MVP: variants seen among roughly 807,000 people sequenced by gnomAD.
The protein encoded by MVP is major vault protein, also known as lung resistance-related protein.
In MVP, 62 loss-of-function variants were observed where a neutral mutation model predicts 83.5. The observed-to-expected ratio is 0.74, with a 90% CI of 0.61 to 0.92. The LOEUF (loss-of-function observed/expected upper bound fraction) is 0.92. Ranked by LOEUF, MVP falls within the 40% of genes least tolerant of loss-of-function variation. The pLI, the probability that MVP is intolerant of heterozygous loss-of-function variation, is 0.00. For missense variants in MVP, 1,000 were observed against 1,203.4 expected (o/e 0.83, Z 2.50); for synonymous variants, 505 against 504.1 (o/e 1.00, Z -0.02).
chr16:29,847,807 G>A lies in MVP; in HGVS notation c.2500G>A (p.Asp834Asn), dbSNP rs377299570. The A allele has an allele frequency of 1.5e-5, 25 of 1,614,026 alleles. No homozygotes were observed. Among genetic ancestry groups the A allele is most frequent in the Middle Eastern group, 1.6e-4 (1 of 6,084 alleles). ...SLGLKSTLIT[D>N]GSTPINLFNT... The stretch of plus-strand genomic sequence containing the variant: ...GGGCCTGAAATCAACCCTCATCACC[G>A]ATGGCTCCACTCCCATCAACCTCTT... The change falls in exon 15 of 15, where the codon GAT becomes AAT. Residue 834 changes from aspartate to asparagine, a missense_variant. Coordinates refer to ENST00000357402, the MANE Select transcript of MVP (RefSeq NM_005115.5).
At chr16:29,827,203 CTT>C (rs1286111734) in intron 1 of MVP, among the ~76,000 whole-genome samples, 2 of 152,096 alleles carry the variant, frequency 1.3e-5, no homozygotes, top group African/African-American at 2.4e-5. Context: ...GGGAAAGTAA[CTT>C]TGAGCAAAAA....
chr16:29,840,848 G>A (rs568412163), intron 8 of MVP, among the ~76,000 whole-genome samples: 102 of 152,168 alleles, frequency 6.7e-4, no homozygotes, highest in African/African-American at 2.4e-3. Context: ...GCTGAGACAG[G>A]AGAATTGCTT....
At chr16:29,845,049 G>A (rs897649058) in intron 11 of MVP, among the ~76,000 whole-genome samples, 170 bp downstream of exon 11, 2 of 152,058 alleles carry the variant, frequency 1.3e-5, no homozygotes, top group Non-Finnish European at 2.9e-5. Context: ...CAGGCTGGGC[G>A]CGGTGGCTCA....
intron 1 of MVP, among the ~76,000 whole-genome samples, chr16:29,828,907 A>G (rs2067421749): frequency 6.6e-6 from 1 of 152,038 alleles, no homozygotes; most frequent in Admixed American, 6.6e-5. Context: ...AGTTTTACAG[A>G]TCGTGGGGCT....
intron 1 of MVP, chr16:29,821,438 T>A (rs1162687066): frequency 6.6e-6 from 1 of 152,188 alleles, no homozygotes; most frequent in Non-Finnish European, 1.5e-5. Flanking sequence ...GCCTCAGGGC[T>A]CCAAGGTAAC....
intron 5 of MVP, 79 bp from the exon 6 acceptor site, chr16:29,835,623 CCT>C: frequency 3.4e-6 from 4 of 1,161,520 alleles, no homozygotes; most frequent in Non-Finnish European, 5.0e-6. Context: ...CTGTCAATCC[CCT>C]GTGTCTAAGC....
chr16:29,827,809 G>A (rs547276473), intron 1 of MVP, among the ~76,000 whole-genome samples: 4 of 151,642 alleles, frequency 2.6e-5, no homozygotes, highest in South Asian at 2.1e-4. Flanking sequence ...CCAGCTACTC[G>A]GGAGGCTGAG....
At chr16:29,846,004 A>T (rs1229047638) in intron 12 of MVP, 25 bp downstream of exon 12, 1 of 1,613,784 alleles carries the variant, frequency 6.2e-7, no homozygotes, top group South Asian at 1.1e-5. Flanking sequence ...AGAGGAGGAG[A>T]CTGGCAGGGG....
chr16:29,843,603 A>AGGGAGGGAGGGAG (rs2067556201), intron 10 of MVP, among the ~76,000 whole-genome samples: 4 of 40,744 alleles, frequency 9.8e-5, no homozygotes, highest in African/African-American at 1.9e-4. Context: ...GGAGGGAGGG[A>AGGGAGGGAGGGAG]GGGTCAGGCG....
At position 29,837,744 on chromosome 16, in the gene MVP, ACT is replaced by A. The variant is rs1429107715; in HGVS notation, c.909+790_909+791del. Among the ~76,000 whole-genome samples, 4 of 151,434 alleles carry A rather than the reference ACT, an allele frequency of 2.6e-5. No homozygotes were observed. In the East Asian group the frequency reaches 7.8e-4, roughly 30 times the overall value. Reference sequence around the variant, plus strand: ...ACTCTAGCCTGGGCGATAGAGTGAGACTCTCAGAAAAAAAAAAAATCTCCATT... The same window carrying A: ...ACTCTAGCCTGGGCGATAGAGTGAGACTCAGAAAAAAAAAAAATCTCCATT... On this transcript the variant is annotated intron_variant, in intron 7 of 14. Transcript: ENST00000357402.
rs1374324379 is a variant in MVP, at chr16:29,840,603, T to G, written c.1191+144T>G. 3 of 935,102 alleles carry G rather than the reference T, an allele frequency of 3.2e-6. No homozygotes were observed. In the East Asian group the frequency reaches 8.0e-5, roughly 25 times the overall value. 57.9% of individuals were successfully genotyped at this position (935,102 alleles called of 1,614,324 possible). A position where few individuals can be genotyped will look rare whatever the true frequency, so the allele number is the denominator to read the frequency against. On this transcript the variant is annotated intron_variant, in intron 8 of 14. Coordinates refer to ENST00000357402, the MANE Select transcript of MVP (RefSeq NM_005115.5). ...GGGCTGTCTGGTTGGGGGAGGGCAC[T>G]ACGTGGAGTGTTTGCCATCCTTCTG... is the stretch of plus-strand genomic sequence containing the variant.
intron 3 of MVP, chr16:29,833,468 C>CTTTTTTTT: frequency 1.6e-5 from 2 of 128,126 alleles, no homozygotes; most frequent in Admixed American, 1.0e-4. Flanking sequence ...CCTGGCTACA[C>CTTTTTTTT]TTTTTTTTTT....
At chr16:29,833,318 A>G in intron 3 of MVP, 1 of 168,796 alleles carries the variant, frequency 5.9e-6, no homozygotes, top group Non-Finnish European at 1.3e-5. Flanking sequence ...AACTCCTGAG[A>G]CAGGGTCTTG....
At chr16:29,827,133 G>C (rs1439178820) in intron 1 of MVP, among the ~76,000 whole-genome samples, 1 of 152,084 alleles carries the variant, frequency 6.6e-6, no homozygotes, top group African/African-American at 2.4e-5. Flanking sequence ...AAGCCCCTGT[G>C]TTCCCAAACC....
chr16:29,841,942 G>T lies in MVP; in HGVS notation c.1464G>T (p.Ser488=), dbSNP rs537113581. ...TGGTCTTCGGGCCTGAGCTGGTGTC[G>T]CTGGGTCCTGAGGAGCAGTTCACAG... The part of the protein sequence containing the change: ...ARVVFGPELV[S]LGPEEQFTVL... The change falls in exon 10 of 15, where the codon TCG becomes TCT. Residue 488 remains serine (S), a synonymous_variant. Transcript: ENST00000357402. This position sits in a 1 kb window ranked among gnomAD's most constrained non-coding sequence, Gnocchi z 4.7. 10 of 1,612,554 alleles carry T rather than the reference G, an allele frequency of 6.2e-6. No homozygotes were observed. Among genetic ancestry groups the T allele is most frequent in the East Asian group, 2.2e-5 (1 of 44,872 alleles).
In MVP at chr16:29,841,312, T is replaced by C. The variant is rs1377847438; in HGVS notation, c.1192-284T>C. Reference sequence around the variant, plus strand: ...CACCTTCTCTATGCCAAGAGCTGTTTGAGCTAGACATGTGAAGATGTCATT... The same window carrying C: ...CACCTTCTCTATGCCAAGAGCTGTTCGAGCTAGACATGTGAAGATGTCATT... On this transcript the variant is annotated intron_variant, in intron 8 of 14. Transcript: ENST00000357402. The surrounding 1 kb of genome is among the most constrained non-coding windows in gnomAD (Gnocchi z 4.7). 6.6e-6 allele frequency among the ~76,000 whole-genome samples: 1 copy of C among 152,142 alleles called. No individual in the cohort carries two copies. Among genetic ancestry groups the C allele is most frequent in the East Asian group, 1.9e-4 (1 of 5,190 alleles).
At chr16:29,845,759 G>A (rs1198867619) in intron 11 of MVP, 104 bp from the exon 12 acceptor site, 5 of 909,882 alleles carry the variant, frequency 5.5e-6, no homozygotes, top group African/African-American at 1.7e-5. Context: ...CTAGGGGCTG[G>A]GGTCTGTCCT....
At chr16:29,839,234 C>A (rs1486541254) in intron 7 of MVP, among the ~76,000 whole-genome samples, 1 of 152,134 alleles carries the variant, frequency 6.6e-6, no homozygotes, top group East Asian at 1.9e-4. Context: ...CCACATATTG[C>A]ATGATTCCAT....
intron 7 of MVP, chr16:29,839,948 A>G (rs2067519827): frequency 2.2e-6 from 1 of 455,440 alleles, no homozygotes; most frequent in Non-Finnish European, 3.9e-6. Flanking sequence ...AGGTCCTGAC[A>G]GTTATGGAAT....
Sources: gnomAD v4.1 joint callset for allele counts (sites outside exome capture counted in the v4.1 genomes callset) on GRCh38, gnomAD v4.1.1 for gene constraint, Gnocchi (gnomAD v3.1) non-coding constraint, MANE v1.5 for transcripts, NCBI Gene and HGNC (gene_info 2026-07-23, HGNC 2026-07-21) for gene names.